Variants in RCL1 observed in about 807,000 individuals in gnomAD.
The protein encoded by RCL1 is RNA terminal phosphate cyclase like 1.
A neutral mutation model predicts 42.4 loss-of-function variants in RCL1; 24 were observed. That is an observed-to-expected ratio of 0.57 (90% CI 0.41 to 0.80). RCL1 has a LOEUF of 0.80. RCL1 is among the 30% of genes least tolerant of loss of function. The probability of loss-of-function intolerance (pLI) is 0.00; values close to 1 mark genes in which losing one functional copy is unlikely to be tolerated. For synonymous variants in RCL1, 228 were observed against 177.3 expected (o/e 1.29, Z -2.27); for missense variants, 578 against 467.9 (o/e 1.24, Z -2.17).
intron 3 of RCL1, among the ~76,000 whole-genome samples, chr9:4,829,691 A>G (rs535330755): frequency 6.6e-6 from 1 of 152,266 alleles, no homozygotes; most frequent in East Asian, 1.9e-4. Context: ...TTTGACATGT[A>G]CAGTGTGGCA....
At chr9:4,803,436 G>A (rs547489215) in intron 1 of RCL1, among the ~76,000 whole-genome samples, 3 of 152,168 alleles carry the variant, frequency 2.0e-5, no homozygotes, top group South Asian at 2.1e-4. Context: ...CAATTCAAGG[G>A]AATTCTAGTT....
rs145428821 is a variant in RCL1 at position 4,826,970 on chromosome 9, A to T, written c.321A>T (p.Pro107=). Residue 107 remains proline (P), a synonymous_variant, in exon 3 of 9, where the codon CCA becomes CCT. Coordinates refer to ENST00000381750, the MANE Select transcript of RCL1 (RefSeq NM_005772.5). The stretch of plus-strand genomic sequence containing the variant: ...TGGAGAGTCTTCTTTGCTTGGCTCC[A>T]TTTATGAAGCACCCGTTAAAAATAG... The part of the protein sequence containing the change: ...YYLESLLCLA[P]FMKHPLKIVL... The T allele has an allele frequency of 2.0e-4, 323 of 1,614,126 alleles. No individual in the cohort carries two copies. In the African/African-American group the frequency reaches 4.0e-3, roughly 20 times the overall value.
At chr9:4,796,162 C>T (rs7862178) in intron 1 of RCL1, among the ~76,000 whole-genome samples, 34,948 of 151,970 alleles carry the variant, frequency 0.23, 4,561 homozygotes, top group African/African-American at 0.36. Flanking sequence ...CTGGTGGGGA[C>T]TGGGCTTCTG....
chr9:4,833,942 G>A (rs1233401138), intron 4 of RCL1, among the ~76,000 whole-genome samples, 199 bp from the exon 5 acceptor site: 1 of 152,208 alleles, frequency 6.6e-6, no homozygotes, highest in Non-Finnish European at 1.5e-5. Context: ...AATCGACTTG[G>A]ACTTTGACAC....
intron 2 of RCL1, among the ~76,000 whole-genome samples, chr9:4,825,836 G>C (rs1816741929): frequency 6.6e-6 from 1 of 151,926 alleles, no homozygotes; most frequent in Non-Finnish European, 1.5e-5. Flanking sequence ...TGGATAGCCA[G>C]GCACAAGGTG....
At chr9:4,808,263 C>G (rs1421875321) in intron 1 of RCL1, among the ~76,000 whole-genome samples, 1 of 152,006 alleles carries the variant, frequency 6.6e-6, no homozygotes, top group Non-Finnish European at 1.5e-5. Context: ...GCTACATTGA[C>G]TCTTTTATTA....
chr9:4,803,321 C>A (rs1843037693), intron 1 of RCL1, among the ~76,000 whole-genome samples: 1 of 152,178 alleles, frequency 6.6e-6, no homozygotes, highest in African/African-American at 2.4e-5. Flanking sequence ...AGGATATTAA[C>A]ACACATTTTC....
intron 1 of RCL1, chr9:4,804,694 GC>G (rs1272281942): frequency 6.0e-6 from 1 of 166,820 alleles, no homozygotes; most frequent in African/African-American, 2.4e-5. Flanking sequence ...AGTCAAAGCG[GC>G]CGGTGGCCGG....
chr9:4,860,005 A>C (rs1364065749), intron 8 of RCL1, 120 bp from the exon 9 acceptor site: 1 of 609,232 alleles, frequency 1.6e-6, no homozygotes, highest in East Asian at 3.0e-5. Flanking sequence ...TTCGATGAGA[A>C]GGTCTTAACT....
intron 8 of RCL1, among the ~76,000 whole-genome samples, chr9:4,853,324 C>CTTTT (rs33973400): frequency 1.5e-5 from 2 of 135,034 alleles, no homozygotes; most frequent in African/African-American, 5.5e-5. Context: ...CCACTGTGCT[C>CTTTT]TTTTTTTTTT....
chr9:4,854,093 G>C (rs1316651721), intron 8 of RCL1, among the ~76,000 whole-genome samples: 1 of 152,158 alleles, frequency 6.6e-6, no homozygotes, highest in African/African-American at 2.4e-5. Flanking sequence ...TGATGTTTGA[G>C]CCCTAGAACA....
chr9:4,834,046 G>A (rs1817038691), intron 4 of RCL1, 95 bp from the exon 5 acceptor site: 9 of 1,367,876 alleles, frequency 6.6e-6, no homozygotes, highest in Non-Finnish European at 8.9e-6. Flanking sequence ...GCCTTGTAAG[G>A]AAGCATCTGC....
intron 8 of RCL1, 115 bp downstream of exon 8, chr9:4,849,665 T>A: frequency 1.4e-6 from 1 of 708,368 alleles, no homozygotes; most frequent in East Asian, 2.7e-5. Flanking sequence ...TGCTTGTGTT[T>A]ATCCTCAAAT....
At chr9:4,831,863 G>A (rs1305399330) in intron 3 of RCL1, among the ~76,000 whole-genome samples, 1 of 152,212 alleles carries the variant, frequency 6.6e-6, no homozygotes, top group African/African-American at 2.4e-5. Context: ...GTAACTTGGA[G>A]ATGGCTGGGC....
At position 4,861,026 on chromosome 9, in the gene RCL1, A is replaced by G. The variant is rs1818159147; in HGVS notation, c.*751A>G. 1 of 152,220 alleles carries G rather than the reference A, an allele frequency of 6.6e-6. No individual in the cohort carries two copies. The highest frequency in any genetic ancestry group is 2.4e-5 in the African/African-American group (1 of 41,448). The allele number at this position is 152,220 out of a possible 1,614,324, so 9.4% of individuals were successfully genotyped here. The stretch of plus-strand genomic sequence containing the variant: ...TCATAAAGGGTGTTTTGTTCCTTTG[A>G]AATGTATAATGTAAAGACATTAAAT... On this transcript the variant is annotated 3_prime_UTR_variant, in exon 9 of 9. Transcript: ENST00000381750.
At position 4,792,972 on chromosome 9, in the gene RCL1, G is replaced by T; in HGVS notation, c.-120G>T. The T allele has an allele frequency of 8.9e-7, 1 of 1,127,076 alleles. No individual in the cohort carries two copies. The highest frequency in any genetic ancestry group is 1.2e-6 in the Non-Finnish European group (1 of 808,530). The allele number at this position is 1,127,076 out of a possible 1,614,324, so 69.8% of individuals were successfully genotyped here. A position where few individuals can be genotyped will look rare whatever the true frequency, so the allele number is the denominator to read the frequency against. ...CCACGTGGACGCGTCTGGGCTGCTGGAGGCAGCCCGAGCCGCCGCCGTCGG... is the reference window on the plus strand; with the variant it reads ...CCACGTGGACGCGTCTGGGCTGCTGTAGGCAGCCCGAGCCGCCGCCGTCGG... On this transcript the variant is annotated 5_prime_UTR_variant, in exon 1 of 9. Coordinates refer to ENST00000381750, the MANE Select transcript of RCL1 (RefSeq NM_005772.5).
At chr9:4,853,142 T>C (rs981009953) in intron 8 of RCL1, among the ~76,000 whole-genome samples, 5 of 152,236 alleles carry the variant, frequency 3.3e-5, no homozygotes, top group East Asian at 1.9e-4. Context: ...TAATAACTTA[T>C]CTGGTTTTCA....
rs745879273 is a variant in RCL1 at position 4,860,176 on chromosome 9, T to C, written c.1023T>C (p.Ile341=). Residue 341 remains isoleucine (I), a synonymous_variant, in exon 9 of 9, where the codon ATT becomes ATC. Transcript: ENST00000381750. The part of the protein sequence containing the change: ...LKSFFQIMFK[I]ETKPCGEELK... Reference sequence around the variant, plus strand: ...GCTTTTTCCAGATTATGTTTAAAATTGAAACCAAGCCATGTGGTGAAGAAC... The same window carrying C: ...GCTTTTTCCAGATTATGTTTAAAATCGAAACCAAGCCATGTGGTGAAGAAC... 1 of 1,610,626 alleles carries C rather than the reference T, an allele frequency of 6.2e-7. No individual in the cohort carries two copies. The highest frequency in any genetic ancestry group is 1.1e-5 in the South Asian group (1 of 90,010).
At chr9:4,842,844 C>T (rs1319769819) in intron 6 of RCL1, among the ~76,000 whole-genome samples, 2 of 152,176 alleles carry the variant, frequency 1.3e-5, no homozygotes, top group Admixed American at 1.3e-4. Context: ...CTCGATAGTC[C>T]CTTCTCTGCT....
Sources: allele counts gnomAD v4.1 joint callset (sites outside exome capture counted in the v4.1 genomes callset), GRCh38; gene constraint gnomAD v4.1.1; transcripts MANE v1.5; gene names NCBI Gene and HGNC (gene_info 2026-07-23, HGNC 2026-07-21).